Variants in SLC35B4 observed in about 807,000 individuals in gnomAD.
The protein encoded by SLC35B4 is nucleotide sugar transporter SLC35B4.
In SLC35B4, 28 loss-of-function variants were observed where a neutral mutation model predicts 39.5. The observed-to-expected ratio is 0.71, with a 90% CI of 0.53 to 0.97. The LOEUF is 0.97. Among genes scored for constraint, SLC35B4 ranks in the 50% least tolerant of loss-of-function variants. SLC35B4 has a pLI of 0.00. For synonymous variants in SLC35B4, 145 were observed against 150.4 expected, an observed-to-expected ratio of 0.96 and a Z score of 0.26; for missense variants, 334 against 414.3, an observed-to-expected ratio of 0.81 and a Z score of 1.68.
chr7:134,295,504 A>T (rs1013261514), intron 9 of SLC35B4, among the ~76,000 whole-genome samples: 1 of 152,128 alleles, frequency 6.6e-6, no homozygotes, highest in Non-Finnish European at 1.5e-5. Flanking sequence ...TCGTTTCACT[A>T]TTTCAAAGAC....
upstream of SLC35B4, among the ~76,000 whole-genome samples, chr7:134,318,344 C>T (rs1386902463): frequency 1.3e-5 from 2 of 152,080 alleles, no homozygotes; most frequent in Non-Finnish European, 2.9e-5. Context: ...AGCCTACTAC[C>T]TGTGAAATTC....
chr7:134,317,263 G>A (rs564437367), upstream of SLC35B4, among the ~76,000 whole-genome samples: 11 of 152,318 alleles, frequency 7.2e-5, no homozygotes, highest in East Asian at 1.4e-3. Flanking sequence ...ACTGCTCGTT[G>A]GAGGTGTTCT....
In SLC35B4 at chr7:134,290,610, T is replaced by C. The variant is rs541821389; in HGVS notation, c.*4223A>G. The C allele has an allele frequency of 3.9e-5, 6 of 152,264 alleles. No individual in the cohort carries two copies. In the South Asian group the frequency reaches 1.2e-3, roughly 32 times the overall value. 9.4% of individuals were successfully genotyped at this position (152,264 alleles called of 1,614,324 possible). Reference sequence around the variant, plus strand: ...TCCAGCTTGGTACACACTGAACACATTTGAGGCTTATGACTGGTTCTTTTA... The same window carrying C: ...TCCAGCTTGGTACACACTGAACACACTTGAGGCTTATGACTGGTTCTTTTA... On this transcript the variant is annotated 3_prime_UTR_variant, in exon 10 of 10. Coordinates refer to ENST00000378509, the MANE Select transcript of SLC35B4 (RefSeq NM_032826.5).
In SLC35B4 at chr7:134,292,357, T is replaced by C. The variant is rs573885443; in HGVS notation, c.*2476A>G. ...GAGAAAAAACAGTTCCCAGGGAATTTGGGGCTTTCTGCTTCTATATGTGGT... is the reference window on the plus strand; with the variant it reads ...GAGAAAAAACAGTTCCCAGGGAATTCGGGGCTTTCTGCTTCTATATGTGGT... On this transcript the variant is annotated 3_prime_UTR_variant, in exon 10 of 10. Coordinates refer to ENST00000378509, the MANE Select transcript of SLC35B4 (RefSeq NM_032826.5). 1.3e-5 allele frequency: 2 copies of C among 152,506 alleles called. No homozygotes were observed. Among genetic ancestry groups the C allele is most frequent in the East Asian group, 3.9e-4 (2 of 5,180 alleles). The allele number at this position is 152,506 out of a possible 1,614,324, so 9.4% of individuals were successfully genotyped here.
At chr7:134,318,600 A>G (rs1434556142), upstream of SLC35B4, among the ~76,000 whole-genome samples, 2 of 152,168 alleles carry the variant, frequency 1.3e-5, no homozygotes, top group Non-Finnish European at 2.9e-5. Flanking sequence ...CACCTCCACT[A>G]TCAATAATCC....
chr7:134,301,889 A>T (rs754219239), intron 5 of SLC35B4, 68 bp from the exon 6 acceptor site: 107 of 1,508,062 alleles, frequency 7.1e-5, no homozygotes, highest in Non-Finnish European at 9.0e-5. Context: ...CATACAAGGG[A>T]AACATTTATG....
intron 9 of SLC35B4, 160 bp from the exon 10 acceptor site, chr7:134,295,239 C>A: frequency 1.2e-6 from 1 of 825,768 alleles, no homozygotes; most frequent in Non-Finnish European, 1.9e-6. Flanking sequence ...ACCTGCAGAA[C>A]AACTCCTGTC....
Position 134,294,792 on chromosome 7 carries a change from C to G in SLC35B4, c.*41G>C, listed in dbSNP as rs772955996. 1 of 1,606,820 alleles carries G rather than the reference C, an allele frequency of 6.2e-7. No homozygotes were observed. The highest frequency in any genetic ancestry group is 1.7e-5 in the Admixed American group (1 of 59,820). On this transcript the variant is annotated 3_prime_UTR_variant, in exon 10 of 10. Transcript: ENST00000378509. ...CGGTGGTCAGACCTTCACAGGGTCC[C>G]ACCCTCACGACGACACTGGTCTACG...
chr7:134,311,951 T>G (rs1619682), intron 1 of SLC35B4, among the ~76,000 whole-genome samples: 73,791 of 152,008 alleles, frequency 0.49, 18,250 homozygotes, highest in Admixed American at 0.55. Context: ...CGACATGCGA[T>G]ATGTTGCTCT....
intron 1 of SLC35B4, among the ~76,000 whole-genome samples, chr7:134,313,438 T>C (rs1246028324): frequency 1.3e-5 from 2 of 152,242 alleles, no homozygotes; most frequent in Non-Finnish European, 2.9e-5. Flanking sequence ...AGATTGTTTT[T>C]CTGGTGTAAG....
At chr7:134,313,492 T>C (rs1367424606) in intron 1 of SLC35B4, among the ~76,000 whole-genome samples, 1 of 152,232 alleles carries the variant, frequency 6.6e-6, no homozygotes, top group Non-Finnish European at 1.5e-5. Flanking sequence ...GGTGTGTGTA[T>C]ATCTTGTTTC....
rs1803995067 is a variant in SLC35B4 at position 134,316,794 on chromosome 7, C to T, written c.-43G>A. ...GGAAGCAAGCGCACAGAGTAAGCGC[C>T]CGCCTGTACCGCTACCCCAGGAAGC... On this transcript the variant is annotated 5_prime_UTR_variant, in exon 1 of 10. Transcript: ENST00000378509. 1 of 1,529,474 alleles carries T rather than the reference C, an allele frequency of 6.5e-7. No individual in the cohort carries two copies. The highest frequency in any genetic ancestry group is 1.4e-5 in the African/African-American group (1 of 72,712). 94.7% of individuals were successfully genotyped at this position (1,529,474 alleles called of 1,614,324 possible). A position where few individuals can be genotyped will look rare whatever the true frequency, so the allele number is the denominator to read the frequency against.
intron 3 of SLC35B4, among the ~76,000 whole-genome samples, chr7:134,306,193 G>C (rs1033629175): frequency 6.6e-6 from 1 of 150,440 alleles, no homozygotes; most frequent in Non-Finnish European, 1.5e-5. Flanking sequence ...TTTTTGCCTG[G>C]AGTGCTTTGG....
chr7:134,295,327 G>A lies in SLC35B4; in HGVS notation c.750-248C>T, dbSNP rs1585632544. ...ATTCTTATGTTGGAGTCTTCCTATG[G>A]TTACAATGACAGGCACCTCCAAGAT... is the stretch of plus-strand genomic sequence containing the variant. On this transcript the variant is annotated intron_variant, in intron 9 of 9. Coordinates refer to ENST00000378509, the MANE Select transcript of SLC35B4 (RefSeq NM_032826.5). 5 of 445,596 alleles carry A rather than the reference G, an allele frequency of 1.1e-5. No individual in the cohort carries two copies. The Admixed American group carries it at 1.4e-4, about 12-fold the overall frequency. The allele number at this position is 445,596 out of a possible 1,614,324, so 27.6% of individuals were successfully genotyped here.
Position 134,296,485 on chromosome 7 carries a change from G to C in SLC35B4, c.674-19C>G, listed in dbSNP as rs1436676098. 1.3e-6 allele frequency: 2 copies of C among 1,593,992 alleles called. No individual in the cohort carries two copies. The highest frequency in any genetic ancestry group is 1.7e-6 in the Non-Finnish European group (2 of 1,162,520). On this transcript the variant is annotated intron_variant, in intron 8 of 9. Coordinates refer to ENST00000378509, the MANE Select transcript of SLC35B4 (RefSeq NM_032826.5). Reference sequence around the variant, plus strand: ...TATAACTCTGTAGAGGTTACAAGAGGATATAGCCATATTGCTTTTTCACAG... The same window carrying C: ...TATAACTCTGTAGAGGTTACAAGAGCATATAGCCATATTGCTTTTTCACAG...
At chr7:134,302,324 C>T (rs1341836626) in intron 4 of SLC35B4, among the ~76,000 whole-genome samples, 1 of 152,178 alleles carries the variant, frequency 6.6e-6, no homozygotes, top group Non-Finnish European at 1.5e-5. Context: ...ACTGTTTAGT[C>T]TGTCTCCAAC....
Position 134,291,589 on chromosome 7 carries a change from G to C in SLC35B4, c.*3244C>G, listed in dbSNP as rs1466140504. 31 of 152,182 alleles carry C rather than the reference G, an allele frequency of 2.0e-4. No individual in the cohort carries two copies. The highest frequency in any genetic ancestry group is 2.0e-3 in the Admixed American group (31 of 15,280). 9.4% of individuals were successfully genotyped at this position (152,182 alleles called of 1,614,324 possible). Reference sequence around the variant, plus strand: ...GAAGAAGAGAAGAGGTTTACTCTGGGTGGCACAGACCAATTCAGCTTTCAT... The same window carrying C: ...GAAGAAGAGAAGAGGTTTACTCTGGCTGGCACAGACCAATTCAGCTTTCAT... On this transcript the variant is annotated 3_prime_UTR_variant, in exon 10 of 10. Transcript: ENST00000378509.
At chr7:134,296,552 A>G (rs1803470353) in intron 8 of SLC35B4, 86 bp from the exon 9 acceptor site, 5 of 914,860 alleles carry the variant, frequency 5.5e-6, no homozygotes, top group African/African-American at 4.8e-5. Flanking sequence ...CAGACTGAAC[A>G]TAATAGGAAC....
Position 134,297,176 on chromosome 7 carries a change from C to T in SLC35B4, c.674-710G>A, listed in dbSNP as rs1305488904. 2.0e-5 allele frequency among the ~76,000 whole-genome samples: 3 copies of T among 152,234 alleles called. No homozygotes were observed. In the East Asian group the frequency reaches 5.8e-4, roughly 29 times the overall value. Reference sequence around the variant, plus strand: ...CTTCAAGTGATTCGCCTGCCTTGGCCTCCCAAAATGCTGGGACTACAGGCT... The same window carrying T: ...CTTCAAGTGATTCGCCTGCCTTGGCTTCCCAAAATGCTGGGACTACAGGCT... On this transcript the variant is annotated intron_variant, in intron 8 of 9. Coordinates refer to ENST00000378509, the MANE Select transcript of SLC35B4 (RefSeq NM_032826.5).
Sources: gnomAD v4.1 joint callset for allele counts (sites outside exome capture counted in the v4.1 genomes callset) on GRCh38, gnomAD v4.1.1 for gene constraint, MANE v1.5 for transcripts, NCBI Gene and HGNC (gene_info 2026-07-23, HGNC 2026-07-21) for gene names.